The following STPG2 variants were observed in gnomAD, a reference collection of about 807,000 sequenced individuals.
STPG2 encodes the protein sperm-tail PG-rich repeat-containing protein 2.
Under a neutral mutation model 54.2 loss-of-function variants are expected in STPG2, and 56 were observed. The ratio of observed to expected loss-of-function variants is 1.03; its 90% confidence interval spans 0.83 to 1.29. The LOEUF is 1.29. Among genes scored for constraint, STPG2 ranks in the 50% most tolerant of loss-of-function variants. STPG2 has a pLI of 0.00. For synonymous variants in STPG2, 200 were observed against 181.8 expected, an observed-to-expected ratio of 1.10 and a Z score of -0.81; for missense variants, 596 against 544.9, an observed-to-expected ratio of 1.09 and a Z score of -0.93.
intron 5 of STPG2, among the ~76,000 whole-genome samples, chr4:98,021,178 A>C (rs1377488745): frequency 1.4e-5 from 2 of 139,474 alleles, no homozygotes; most frequent in African/African-American, 5.5e-5. Context: ...TTCCCTCTAC[A>C]CACTGCTTTG....
intron 5 of STPG2, among the ~76,000 whole-genome samples, chr4:98,030,140 C>T (rs569660410): frequency 5.3e-5 from 8 of 152,164 alleles, no homozygotes; most frequent in East Asian, 1.9e-4. Context: ...CAAATCTAAT[C>T]AGCATAATGC....
In STPG2 at chr4:97,599,131, G is replaced by A. The variant is rs1043809204; in HGVS notation, c.1321-40014C>T. The stretch of plus-strand genomic sequence containing the variant: ...CCTTATCAAAAGAAGACATATTTGC[G>A]GCCAGCAAGCATATGAAAAAAACAC... On this transcript the variant is annotated intron_variant, in intron 10 of 10. Coordinates refer to ENST00000295268, the MANE Select transcript of STPG2 (RefSeq NM_174952.3). 6.6e-5 allele frequency among the ~76,000 whole-genome samples: 10 copies of A among 152,144 alleles called. 1 individual carries two copies. The highest frequency in any genetic ancestry group is 4.6e-4 in the Admixed American group (7 of 15,270).
intron 2 of STPG2, among the ~76,000 whole-genome samples, chr4:98,133,119 A>G (rs1320363843): frequency 6.6e-6 from 1 of 152,016 alleles, no homozygotes; most frequent in Non-Finnish European, 1.5e-5. Context: ...TTAATTTTAA[A>G]CATTGTTTAT....
intron 10 of STPG2, among the ~76,000 whole-genome samples, chr4:97,691,953 C>T (rs1355507092): frequency 9.9e-5 from 15 of 152,082 alleles, no homozygotes; most frequent in Admixed American, 5.9e-4. Context: ...AACATGCTCT[C>T]AGAAAGCCCC....
intron 7 of STPG2, among the ~76,000 whole-genome samples, chr4:97,945,822 GC>G (rs1274597198): frequency 2.0e-5 from 3 of 152,086 alleles, no homozygotes; most frequent in African/African-American, 7.2e-5. Flanking sequence ...ACTTTGGGAG[GC>G]CAAATTAGGC....
chr4:98,117,405 CTT>C (rs1739550856), intron 3 of STPG2, among the ~76,000 whole-genome samples: 1 of 151,932 alleles, frequency 6.6e-6, no homozygotes, highest in South Asian at 2.1e-4. Context: ...GTGTGCATCT[CTT>C]TGCATTAATC....
At chr4:97,687,187 T>A (rs1422378375) in intron 10 of STPG2, among the ~76,000 whole-genome samples, 1 of 152,024 alleles carries the variant, frequency 6.6e-6, no homozygotes, top group East Asian at 1.9e-4. Context: ...CCCGACCTCG[T>A]GATCCACCCG....
intron 9 of STPG2, among the ~76,000 whole-genome samples, chr4:97,769,449 C>T (rs1726159570): frequency 6.6e-6 from 1 of 151,972 alleles, no homozygotes; most frequent in South Asian, 2.1e-4. Flanking sequence ...TAAACACATG[C>T]CTCCAAATTC....
chr4:97,561,250 T>C, intron 10 of STPG2, among the ~76,000 whole-genome samples: 1 of 152,216 alleles, frequency 6.6e-6, no homozygotes, highest in Non-Finnish European at 1.5e-5. Context: ...AAATGTCTTC[T>C]TTTGAGAAGT....
chr4:97,559,178 A>G (rs1363177348), intron 10 of STPG2, 61 bp from the exon 11 acceptor site: 2 of 1,078,644 alleles, frequency 1.9e-6, no homozygotes, highest in South Asian at 2.9e-5. Flanking sequence ...GAAAAATAAT[A>G]TTCATTATTT....
intron 9 of STPG2, among the ~76,000 whole-genome samples, chr4:97,812,761 T>C (rs959172319): frequency 1.3e-5 from 2 of 152,180 alleles, no homozygotes; most frequent in African/African-American, 4.8e-5. Context: ...ATCTCATGGA[T>C]AGAATGGCAT....
chr4:97,599,131 G>C (rs1043809204), intron 10 of STPG2, among the ~76,000 whole-genome samples: 2 of 152,026 alleles, frequency 1.3e-5, no homozygotes, highest in African/African-American at 4.8e-5. Flanking sequence ...ACATATTTGC[G>C]GCCAGCAAGC....
At chr4:97,526,641 T>A (rs1731286534) in intron 4 of STPG2, among the ~76,000 whole-genome samples, 1 of 152,146 alleles carries the variant, frequency 6.6e-6, no homozygotes, top group Admixed American at 6.6e-5. Flanking sequence ...TTCACTCTGA[T>A]ACTAGTTTCT....
chr4:98,065,085 A>G (rs1737789944), intron 5 of STPG2, among the ~76,000 whole-genome samples: 3 of 152,108 alleles, frequency 2.0e-5, no homozygotes, highest in East Asian at 1.9e-4. Context: ...GGTATTTTTT[A>G]AAGGAAGGAT....
chr4:97,971,564 C>G (rs569585546), intron 7 of STPG2, among the ~76,000 whole-genome samples: 2 of 152,042 alleles, frequency 1.3e-5, no homozygotes, highest in South Asian at 4.1e-4. Context: ...GACCACACAC[C>G]GCAGGTTCTC....
rs138928717 is a variant in STPG2 at position 98,120,225 on chromosome 4, T to A, written c.387+8203A>T. Among the ~76,000 whole-genome samples, 544 of 151,988 alleles carry A rather than the reference T, an allele frequency of 3.6e-3. 2 individuals carry two copies. The highest frequency in any genetic ancestry group is 0.012 in the African/African-American group (514 of 41,482). ...CCTCCCGAGTAACTGGGACTACAGG[T>A]GCATGGTACCACACCTGGCTAATGT... On this transcript the variant is annotated intron_variant, in intron 3 of 10. Coordinates refer to ENST00000295268, the MANE Select transcript of STPG2 (RefSeq NM_174952.3).
Position 97,624,643 on chromosome 4 carries a change from T to C in STPG2, c.1321-65526A>G, listed in dbSNP as rs140980962. Among the ~76,000 whole-genome samples, 101 of 152,322 alleles carry C rather than the reference T, an allele frequency of 6.6e-4. 2 individuals are homozygous for C. In the East Asian group the frequency reaches 0.016, roughly 24 times the overall value. On this transcript the variant is annotated intron_variant, in intron 10 of 10. Coordinates refer to ENST00000295268, the MANE Select transcript of STPG2 (RefSeq NM_174952.3). ...AGTTTAATTATATCCCATTTGTCAA[T>C]TTTTGTTTTTGTTGCAATTGCTTTT...
intron 4 of STPG2, among the ~76,000 whole-genome samples, chr4:97,542,167 T>C (rs936417842): frequency 6.6e-6 from 1 of 152,126 alleles, no homozygotes. Context: ...AAAACTACCA[T>C]GAGAGTGAAC....
intron 10 of STPG2, among the ~76,000 whole-genome samples, chr4:97,685,926 T>G (rs1451603693): frequency 6.6e-6 from 1 of 152,222 alleles, no homozygotes; most frequent in Non-Finnish European, 1.5e-5. Flanking sequence ...GAGAATAGTA[T>G]TAGGTCAGAC....
Sources: gnomAD v4.1 joint callset for allele counts (sites outside exome capture counted in the v4.1 genomes callset) on GRCh38, gnomAD v4.1.1 for gene constraint, MANE v1.5 for transcripts, NCBI Gene and HGNC (gene_info 2026-07-23, HGNC 2026-07-21) for gene names.